WNT8B: variants seen among roughly 807,000 people sequenced by gnomAD.
WNT8B encodes Wnt family member 8B, also known as protein Wnt-8b.
Under a neutral mutation model 36.6 loss-of-function variants are expected in WNT8B, and 24 were observed. The ratio of observed to expected loss-of-function variants is 0.66; its 90% CI spans 0.48 to 0.92. WNT8B has a LOEUF of 0.92. Ranked by LOEUF, WNT8B falls within the 40% of genes least tolerant of loss-of-function variation. WNT8B has a pLI of 0.00. For synonymous variants in WNT8B, 199 were observed against 189.8 expected, an observed-to-expected ratio of 1.05 and a Z score of -0.40; for missense variants, 402 against 470.8, an observed-to-expected ratio of 0.85 and a Z score of 1.35.
intron 1 of WNT8B, among the ~76,000 whole-genome samples, chr10:100,469,548 AT>A (rs1467810480): frequency 6.6e-6 from 1 of 152,206 alleles, no homozygotes; most frequent in Non-Finnish European, 1.5e-5. Flanking sequence ...CTTGAAAAAT[AT>A]TTGCATTTTA....
Position 100,482,312 on chromosome 10 carries a change from C to A in WNT8B, c.552C>A (p.Gly184=), listed in dbSNP as rs777623992. ...GTMKRTCKCH[G]VSGSCTTQTC... ...TGAAACGCACGTGCAAGTGCCACGG[C>A]GTGTCTGGCAGCTGCACCACGCAGA... Residue 184 remains glycine, a synonymous_variant, in exon 6 of 6, where the codon GGC becomes GGA. Coordinates refer to ENST00000343737, the MANE Select transcript of WNT8B (RefSeq NM_003393.4). The surrounding 1 kb of genome is among the most constrained non-coding windows in gnomAD (Gnocchi z 6.6). The A allele has an allele frequency of 6.3e-7, 1 of 1,597,884 alleles. No individual in the cohort carries two copies. The highest frequency in any genetic ancestry group is 8.5e-7 in the Non-Finnish European group (1 of 1,177,080).
intron 1 of WNT8B, among the ~76,000 whole-genome samples, chr10:100,477,774 G>GTTTTTTTTTGT (rs1554840043): frequency 0.031 from 3,002 of 97,168 alleles, 98 homozygotes; most frequent in African/African-American, 0.098. Context: ...TTCATTTTTA[G>GTTTTTTTTTGT]TTTTTTTTTG....
Position 100,472,340 on chromosome 10 carries a change from C to T in WNT8B, c.69-6712C>T, listed in dbSNP as rs190242657. 3.9e-4 allele frequency among the ~76,000 whole-genome samples: 59 copies of T among 151,952 alleles called. 2 individuals are homozygous for T. Among genetic ancestry groups the T allele is most frequent in the African/African-American group, 1.3e-3 (54 of 41,480 alleles). ...GTCTCGATCTCCTGACCTCATGATC[C>T]GCCCGCCTCAGCCTCCCAAAGTGCT... On this transcript the variant is annotated intron_variant, in intron 1 of 5. Coordinates refer to ENST00000343737, the MANE Select transcript of WNT8B (RefSeq NM_003393.4).
rs369471555 is a variant in WNT8B, at chr10:100,471,922, C to T, written c.69-7130C>T. On this transcript the variant is annotated intron_variant, in intron 1 of 5. Transcript: ENST00000343737. ...ATACAAAATAAAAATATGCCGGGCG[C>T]GGTGGCTCATCCCTGTCGTCCCAGC... Among the ~76,000 whole-genome samples, 65 of 151,970 alleles carry T rather than the reference C, an allele frequency of 4.3e-4. 2 individuals carry two copies. In the South Asian group the frequency reaches 6.7e-3, roughly 16 times the overall value.
At chr10:100,473,741 C>T (rs1345940305) in intron 1 of WNT8B, among the ~76,000 whole-genome samples, 2 of 152,078 alleles carry the variant, frequency 1.3e-5, no homozygotes, top group South Asian at 2.1e-4. Flanking sequence ...GCCTGGCCAA[C>T]GTGGCCAAAC....
Position 100,483,032 on chromosome 10 carries a change from CTAGGT to C in WNT8B, c.*217_*221del. 1 of 522,130 alleles carries C rather than the reference CTAGGT, an allele frequency of 1.9e-6. No individual in the cohort carries two copies. The highest frequency in any genetic ancestry group is 3.9e-5 in the South Asian group (1 of 25,920). The allele number at this position is 522,130 out of a possible 1,614,324, so 32.3% of individuals were successfully genotyped here. ...TCTGTCTGAATCCTCGCAGCCACACCTAGGTCTGAGAACTCAGGCTTTGAGTTACT... is the reference window on the plus strand; with the variant it reads ...TCTGTCTGAATCCTCGCAGCCACACCCTGAGAACTCAGGCTTTGAGTTACT... On this transcript the variant is annotated 3_prime_UTR_variant, in exon 6 of 6. Transcript: ENST00000343737.
rs1851149003 is a variant in WNT8B, at chr10:100,483,660, TCTC to T, written c.*846_*848del. ...CCTAGCAACCAACTTTACCTCTTCT[TCTC>T]CAAAGGATCTTTGTTCCTCTGAGCC... On this transcript the variant is annotated 3_prime_UTR_variant, in exon 6 of 6. Transcript: ENST00000343737. The T allele has an allele frequency of 6.6e-6, 1 of 152,244 alleles. No homozygotes were observed. Among genetic ancestry groups the T allele is most frequent in the Non-Finnish European group, 1.5e-5 (1 of 68,074 alleles). The allele number at this position is 152,244 out of a possible 1,614,324, so 9.4% of individuals were successfully genotyped here.
At chr10:100,476,418 T>C (rs1402849396) in intron 1 of WNT8B, among the ~76,000 whole-genome samples, 1 of 152,236 alleles carries the variant, frequency 6.6e-6, no homozygotes, top group Non-Finnish European at 1.5e-5. Flanking sequence ...CTTAGTTTGT[T>C]AATACTGGTT....
At chr10:100,476,134 ACAAAAAAAAAAAAAT>A (rs1851035599) in intron 1 of WNT8B, among the ~76,000 whole-genome samples, 2 of 149,678 alleles carry the variant, frequency 1.3e-5, no homozygotes, top group Admixed American at 1.3e-4. Flanking sequence ...TACTAAAAAT[ACAAAAAAAAAAAAAT>A]CAAAAAAAAA....
chr10:100,481,221 A>T (rs923419418), intron 4 of WNT8B, 98 bp downstream of exon 4: 22 of 1,470,512 alleles, frequency 1.5e-5, no homozygotes, highest in Non-Finnish European at 2.0e-5. Context: ...TCTTCTAAAT[A>T]TGAAGAAAAT....
chr10:100,483,325 C>T lies in WNT8B; in HGVS notation c.*509C>T, dbSNP rs1723989054. 1 of 152,988 alleles carries T rather than the reference C, an allele frequency of 6.5e-6. No individual in the cohort carries two copies. The highest frequency in any genetic ancestry group is 2.4e-5 in the African/African-American group (1 of 41,482). 9.5% of individuals were successfully genotyped at this position (152,988 alleles called of 1,614,324 possible). ...TCTTGAATGCTTTCTCTCCTCTTCTCCCTTTCCTTTCCCAGAAAAACTGAG... is the reference window on the plus strand; with the variant it reads ...TCTTGAATGCTTTCTCTCCTCTTCTTCCTTTCCTTTCCCAGAAAAACTGAG... On this transcript the variant is annotated 3_prime_UTR_variant, in exon 6 of 6. Transcript: ENST00000343737.
At chr10:100,469,021 A>T (rs1044137201) in intron 1 of WNT8B, among the ~76,000 whole-genome samples, 6 of 152,178 alleles carry the variant, frequency 3.9e-5, no homozygotes, top group Non-Finnish European at 8.8e-5. Context: ...ATCATTATAT[A>T]AAAAATTCAC....
In WNT8B at chr10:100,479,880, C is replaced by T; in HGVS notation, c.109C>T (p.Leu37=). ...NFLMTGPKAY[L]IYSSSVAAGA... is the part of the protein sequence containing the mutation. ...TACCCCTATGTCCCTACAGGCTTAC[C>T]TGATTTACTCCAGCAGTGTGGCAGC... Residue 37 remains leucine (L), a synonymous_variant, in exon 3 of 6, where the codon CTG becomes TTG. Coordinates refer to ENST00000343737, the MANE Select transcript of WNT8B (RefSeq NM_003393.4). 3 of 1,613,944 alleles carry T rather than the reference C, an allele frequency of 1.9e-6. No individual in the cohort carries two copies. The highest frequency in any genetic ancestry group is 2.5e-6 in the Non-Finnish European group (3 of 1,179,898).
At chr10:100,481,791 C>G in intron 4 of WNT8B, 121 bp from the exon 5 acceptor site, 1 of 1,387,956 alleles carries the variant, frequency 7.2e-7, no homozygotes, top group Non-Finnish European at 9.6e-7. Flanking sequence ...ACAGGGCACT[C>G]GCCCAACCTT....
chr10:100,463,091 T>C lies in WNT8B; in HGVS notation c.-78T>C. On this transcript the variant is annotated 5_prime_UTR_variant, in exon 1 of 6. Transcript: ENST00000343737. ...TTTGAGAATTCCATCCCACTGGCAC[T>C]GAGGAGAATATTTCTCCGTCTTGCT... The C allele has an allele frequency of 1.5e-6, 2 of 1,351,020 alleles. No individual in the cohort carries two copies. Among genetic ancestry groups the C allele is most frequent in the East Asian group, 4.6e-5 (2 of 43,290 alleles). 83.7% of individuals were successfully genotyped at this position (1,351,020 alleles called of 1,614,324 possible).
At chr10:100,466,275 G>A (rs977951262) in intron 1 of WNT8B, among the ~76,000 whole-genome samples, 1 of 152,034 alleles carries the variant, frequency 6.6e-6, no homozygotes, top group Non-Finnish European at 1.5e-5. Context: ...AAAAAAAAGT[G>A]CCTGATCCAT....
Position 100,482,146 on chromosome 10 carries a change from T to C in WNT8B, c.510+92T>C. The C allele has an allele frequency of 7.0e-6, 11 of 1,576,622 alleles. No individual in the cohort carries two copies. The South Asian group carries it at 1.3e-4, about 18-fold the overall frequency. On this transcript the variant is annotated intron_variant, in intron 5 of 5. Transcript: ENST00000343737. This position sits in a 1 kb window ranked among gnomAD's most constrained non-coding sequence, Gnocchi z 6.6. The stretch of plus-strand genomic sequence containing the variant: ...CAACTCTTCAGTTCATTTAAAAGAT[T>C]GGCAAAATGAGGTACCAAGTGGGCT...
chr10:100,481,982 T>G lies in WNT8B; in HGVS notation c.438T>G (p.Phe146Leu). 1.9e-6 allele frequency: 3 copies of G among 1,614,128 alleles called. No homozygotes were observed. Among genetic ancestry groups the G allele is most frequent in the Non-Finnish European group, 2.5e-6 (3 of 1,180,026 alleles). The change falls in exon 5 of 6, where the codon TTT (phenylalanine) becomes TTG (leucine). Residue 146 changes from phenylalanine to leucine, a missense_variant. By Grantham distance (22) the Phe-to-Leu change is conservative. Coordinates refer to ENST00000343737, the MANE Select transcript of WNT8B (RefSeq NM_003393.4). ...VGFGEAISKQ[F>L]VDALETGQDA... ...TCGGAGAGGCGATTTCCAAGCAGTT[T>G]GTCGATGCCCTGGAAACAGGACAGG...
At chr10:100,479,568 A>G (rs1161874357) in intron 2 of WNT8B, among the ~76,000 whole-genome samples, 1 of 152,218 alleles carries the variant, frequency 6.6e-6, no homozygotes, top group East Asian at 1.9e-4. Context: ...ATAGTGAAGA[A>G]AGGTGAATAA....
Sources: allele counts gnomAD v4.1 joint callset (sites outside exome capture counted in the v4.1 genomes callset), GRCh38; gene constraint gnomAD v4.1.1; non-coding constraint Gnocchi (gnomAD v3.1); transcripts MANE v1.5; gene names NCBI Gene and HGNC (gene_info 2026-07-23, HGNC 2026-07-21).